PIWIL1: variants seen among roughly 807,000 people sequenced by gnomAD.
PIWIL1 encodes piwi like RNA-mediated gene silencing 1.
PIWIL1 carries 73 observed loss-of-function variants against 114.4 expected under a neutral mutation model. That is an observed-to-expected ratio of 0.64 (90% CI 0.53 to 0.78). The LOEUF is 0.78. Ranked by LOEUF, PIWIL1 falls within the 30% of genes least tolerant of loss-of-function variation. The pLI is 0.00. For missense variants in PIWIL1, 723 were observed against 1,063.1 expected, an observed-to-expected ratio of 0.68 and a Z score of 4.45; for synonymous variants, 375 against 369.0, an observed-to-expected ratio of 1.02 and a Z score of -0.19.
chr12:130,366,950 C>T (rs1287055545), intron 18 of PIWIL1, among the ~76,000 whole-genome samples, 183 bp from the exon 19 acceptor site: 5 of 152,162 alleles, frequency 3.3e-5, no homozygotes, highest in African/African-American at 7.2e-5. Flanking sequence ...TCCCTCTCAC[C>T]GTTTATCCGT....
At chr12:130,366,941 C>G (rs1828491341) in intron 18 of PIWIL1, among the ~76,000 whole-genome samples, 192 bp from the exon 19 acceptor site, 1 of 152,176 alleles carries the variant, frequency 6.6e-6, no homozygotes, top group African/African-American at 2.4e-5. Flanking sequence ...CATTTGGTTT[C>G]CCTCTCACCG....
intron 9 of PIWIL1, among the ~76,000 whole-genome samples, chr12:130,352,096 T>C (rs1032742915): frequency 6.6e-6 from 1 of 152,212 alleles, no homozygotes; most frequent in African/African-American, 2.4e-5. Flanking sequence ...AGGGAAGATT[T>C]CTCTGGAAAT....
chr12:130,422,069 G>C, the PIWIL1 span, among the ~76,000 whole-genome samples: 3 of 152,150 alleles, frequency 2.0e-5, no homozygotes, highest in Non-Finnish European at 4.4e-5. This position sits in a 1 kb window ranked among gnomAD's most constrained non-coding sequence, Gnocchi z 5.2. Context: ...ATTCCCTCGG[G>C]TGGGGCTCAC....
intron 9 of PIWIL1, among the ~76,000 whole-genome samples, chr12:130,352,433 C>A (rs1481035737): frequency 6.6e-6 from 1 of 152,156 alleles, no homozygotes; most frequent in Admixed American, 6.5e-5. Context: ...AATCCCAGCA[C>A]TCTGGGAGGC....
At chr12:130,365,782 G>C (rs1020802901) in intron 18 of PIWIL1, among the ~76,000 whole-genome samples, 3 of 152,204 alleles carry the variant, frequency 2.0e-5, no homozygotes, top group Non-Finnish European at 4.4e-5. Flanking sequence ...TGAAGTCCTA[G>C]ATAGTCATCA....
chr12:130,343,619 TTC>T (rs1213651917), intron 3 of PIWIL1, among the ~76,000 whole-genome samples: 3 of 113,208 alleles, frequency 2.6e-5, no homozygotes, highest in African/African-American at 6.5e-5. Context: ...CATTGAAGGA[TTC>T]TTTTTTTTTT....
chr12:130,345,956 G>C (rs748588972), intron 4 of PIWIL1, 78 bp downstream of exon 4: 1 of 1,496,474 alleles, frequency 6.7e-7, no homozygotes, highest in African/African-American at 1.4e-5. Context: ...TTTAGTTTAG[G>C]TGTTTATTTG....
the PIWIL1 span, among the ~76,000 whole-genome samples, chr12:130,384,197 C>G: frequency 1.3e-5 from 2 of 152,340 alleles, no homozygotes; most frequent in African/African-American, 2.4e-5. Context: ...AACCCTCAAA[C>G]AGATGTGTGT....
Position 130,347,065 on chromosome 12 carries a change from A to G in PIWIL1, c.653+3A>G, listed in dbSNP as rs780538686. 2 of 1,597,342 alleles carry G rather than the reference A, an allele frequency of 1.3e-6. No individual in the cohort carries two copies. Among genetic ancestry groups the G allele is most frequent in the Non-Finnish European group, 1.7e-6 (2 of 1,170,278 alleles). ...TTCTATAATATTATTTTCAGGAGGT[A>G]TGTGTTTTATTTCAACATTTTATTA... On this transcript the variant is annotated splice_donor_region_variant and intron_variant, in intron 6 of 20. Coordinates refer to ENST00000245255, the MANE Select transcript of PIWIL1 (RefSeq NM_004764.5).
the PIWIL1 span, among the ~76,000 whole-genome samples, chr12:130,400,236 T>TG: frequency 6.6e-6 from 1 of 152,194 alleles, no homozygotes; most frequent in Non-Finnish European, 1.5e-5. Context: ...GGTGGGGACC[T>TG]GGTGGTCCTA....
chr12:130,390,537 C>T, the PIWIL1 span, among the ~76,000 whole-genome samples: 1 of 152,186 alleles, frequency 6.6e-6, no homozygotes, highest in Admixed American at 6.5e-5. Flanking sequence ...TCCAATTCAG[C>T]CACCTGTGTG....
the PIWIL1 span, chr12:130,424,136 A>T: frequency 1.6e-6 from 2 of 1,224,358 alleles, no homozygotes; most frequent in South Asian, 8.3e-5. The surrounding 1 kb of genome is among the most constrained non-coding windows in gnomAD (Gnocchi z 9.8). Flanking sequence ...AGTTTAGGTC[A>T]CACACCAGGG....
At chr12:130,385,094 G>C in the PIWIL1 span, among the ~76,000 whole-genome samples, 1 of 152,144 alleles carries the variant, frequency 6.6e-6, no homozygotes, top group South Asian at 2.1e-4. Context: ...AGGGCTGTTA[G>C]TCTTTGCTTT....
the PIWIL1 span, among the ~76,000 whole-genome samples, chr12:130,402,652 C>T: frequency 1.3e-5 from 2 of 152,258 alleles, no homozygotes; most frequent in East Asian, 1.9e-4. Context: ...TCTCTATTTG[C>T]GGCCAAACAG....
At chr12:130,362,271 C>T (rs1460350004) in intron 16 of PIWIL1, among the ~76,000 whole-genome samples, 2 of 152,268 alleles carry the variant, frequency 1.3e-5, no homozygotes, top group East Asian at 1.9e-4. Flanking sequence ...GTCTTCTTTG[C>T]GTCCATGAGT....
Position 130,346,852 on chromosome 12 carries a change from A to G in PIWIL1, c.532-89A>G, listed in dbSNP as rs150377061. ...CAGTTAAAACATTTTATGGTTTTCA[A>G]TGTTGCCTTATTAAGCAAGCAGTAT... On this transcript the variant is annotated intron_variant, in intron 5 of 20. Transcript: ENST00000245255. The G allele has an allele frequency of 1.2e-4, 185 of 1,510,480 alleles. 1 individual carries two copies. In the East Asian group the frequency reaches 1.5e-3, roughly 12 times the overall value. The allele number at this position is 1,510,480 out of a possible 1,614,324, so 93.6% of individuals were successfully genotyped here. A position where few individuals can be genotyped will look rare whatever the true frequency, so the allele number is the denominator to read the frequency against.
At chr12:130,340,593 G>A (rs1315175217) in intron 1 of PIWIL1, among the ~76,000 whole-genome samples, 1 of 142,530 alleles carries the variant, frequency 7.0e-6, no homozygotes, top group East Asian at 2.3e-4. Context: ...GCCTGGTTCC[G>A]GTACAGGTCC....
chr12:130,399,871 G>T, the PIWIL1 span: 8 of 1,587,782 alleles, frequency 5.0e-6, no homozygotes, highest in African/African-American at 1.3e-5. Flanking sequence ...CCCACATCTT[G>T]CTTTGGCTAA....
chr12:130,363,259 G>A, intron 18 of PIWIL1, 115 bp downstream of exon 18: 2 of 1,020,860 alleles, frequency 2.0e-6, no homozygotes, highest in Admixed American at 2.2e-5. Context: ...AGGGACTGTA[G>A]GGCCTTTGAG....
Sources: allele counts gnomAD v4.1 joint callset (sites outside exome capture counted in the v4.1 genomes callset), GRCh38; gene constraint gnomAD v4.1.1; non-coding constraint Gnocchi (gnomAD v3.1); transcripts MANE v1.5; gene names NCBI Gene and HGNC (gene_info 2026-07-23, HGNC 2026-07-21).